Variants in TBC1D1 observed in about 807,000 individuals in gnomAD.
TBC1D1 encodes the protein TBC1 domain family member 1.
Under a neutral mutation model 125.6 loss-of-function variants are expected in TBC1D1, and 89 were observed. The observed-to-expected ratio is 0.71, with a 90% CI of 0.60 to 0.85. TBC1D1 has a LOEUF of 0.85. Ranked by LOEUF, TBC1D1 falls within the 40% of genes least tolerant of loss-of-function variation. TBC1D1 has a pLI of 0.00. For synonymous variants in TBC1D1, 565 were observed against 564.1 expected, an observed-to-expected ratio of 1.00 and a Z score of -0.02; for missense variants, 1,377 against 1,469.2, an observed-to-expected ratio of 0.94 and a Z score of 1.03.
At chr4:38,087,864 A>ATT (rs1757786390) in intron 12 of TBC1D1, among the ~76,000 whole-genome samples, 2 of 52,494 alleles carry the variant, frequency 3.8e-5, no homozygotes, top group Non-Finnish European at 7.4e-5. Flanking sequence ...AAAAAAAAAG[A>ATT]AAAAAAAAAA....
At chr4:37,952,391 A>G (rs1358628068) in intron 2 of TBC1D1, 1 of 347,400 alleles carries the variant, frequency 2.9e-6, no homozygotes, top group South Asian at 2.9e-5. Flanking sequence ...GTGTCCATCA[A>G]TGGTAGACTG....
intron 2 of TBC1D1, among the ~76,000 whole-genome samples, chr4:37,955,514 T>A (rs1728755360): frequency 6.6e-6 from 1 of 152,226 alleles, no homozygotes; most frequent in Non-Finnish European, 1.5e-5. Context: ...AAATGCTACA[T>A]ACATAGTGTT....
chr4:38,116,982 T>G (rs891958024), intron 16 of TBC1D1, among the ~76,000 whole-genome samples: 1 of 152,190 alleles, frequency 6.6e-6, no homozygotes, highest in Non-Finnish European at 1.5e-5. Flanking sequence ...ACTGAAAGAT[T>G]TTGACCACAT....
chr4:38,069,575 T>C (rs1423439972), intron 12 of TBC1D1, among the ~76,000 whole-genome samples: 2 of 152,234 alleles, frequency 1.3e-5, no homozygotes, highest in East Asian at 1.9e-4. Flanking sequence ...AATTTTTTTT[T>C]CCTCTCGGTC....
intron 2 of TBC1D1, among the ~76,000 whole-genome samples, chr4:37,962,804 A>G (rs1730304847): frequency 6.6e-6 from 1 of 152,358 alleles, no homozygotes; most frequent in East Asian, 1.9e-4. Context: ...CTAAACTGAA[A>G]TAAGTCAAGG....
intron 12 of TBC1D1, among the ~76,000 whole-genome samples, chr4:38,086,769 G>C (rs1306018433): frequency 1.3e-5 from 2 of 152,202 alleles, no homozygotes; most frequent in East Asian, 3.8e-4. Context: ...CTGCTATTCA[G>C]AGTGTGCTTG....
At chr4:38,055,527 T>C (rs891103847) in intron 12 of TBC1D1, among the ~76,000 whole-genome samples, 3 of 152,216 alleles carry the variant, frequency 2.0e-5, no homozygotes, top group Non-Finnish European at 4.4e-5. Context: ...TCACCTCCCA[T>C]GCTGTGGAAG....
At chr4:38,104,616 G>A (rs1360378997) in intron 15 of TBC1D1, among the ~76,000 whole-genome samples, 2 of 152,172 alleles carry the variant, frequency 1.3e-5, no homozygotes, top group Non-Finnish European at 2.9e-5. Flanking sequence ...GGGGCCCTGC[G>A]GTGGCCCGGT....
intron 2 of TBC1D1, among the ~76,000 whole-genome samples, chr4:37,957,543 TA>T (rs1338785650): frequency 6.6e-6 from 1 of 152,090 alleles, no homozygotes; most frequent in Non-Finnish European, 1.5e-5. Context: ...TGCCTGAGCC[TA>T]AGAGTTCGAG....
At chr4:38,016,830 A>G (rs1260537083) in intron 3 of TBC1D1, among the ~76,000 whole-genome samples, 1 of 152,196 alleles carries the variant, frequency 6.6e-6, no homozygotes, top group East Asian at 1.9e-4. Context: ...TTTGTTTTTT[A>G]TCCTGAAAGG....
intron 7 of TBC1D1, 50 bp downstream of exon 7, chr4:38,027,929 AC>A (rs1484165467): frequency 8.7e-6 from 12 of 1,381,432 alleles, no homozygotes; most frequent in Non-Finnish European, 1.1e-5. Flanking sequence ...CAGGCAGCTT[AC>A]CTGGGAAATG....
rs1425154511 is a variant in TBC1D1, at chr4:38,061,568, T to TA, written c.2050+7238dup. Among the ~76,000 whole-genome samples the TA allele has an allele frequency of 3.9e-5, 6 of 152,004 alleles. 1 individual carries two copies. The South Asian group carries it at 8.3e-4, about 21-fold the overall frequency. ...AAGCTTTCAGACTTTATATGTCTTG[T>TA]AAAAAAAAGCCTAATATAGATAAGA... On this transcript the variant is annotated intron_variant, in intron 12 of 19. Transcript: ENST00000261439.
chr4:38,124,325 G>A (rs756150772), intron 17 of TBC1D1, among the ~76,000 whole-genome samples: 5 of 152,284 alleles, frequency 3.3e-5, no homozygotes, highest in South Asian at 4.2e-4. Context: ...TCTGCAGTCT[G>A]TATAGAAGTT....
chr4:37,909,081 A>G (rs1290437876), intron 2 of TBC1D1, among the ~76,000 whole-genome samples: 1 of 152,126 alleles, frequency 6.6e-6, no homozygotes, highest in African/African-American at 2.4e-5. Flanking sequence ...TTGATTTTAA[A>G]CCAATAAATG....
chr4:38,052,206 T>C (rs576608103), intron 11 of TBC1D1, 146 bp downstream of exon 12: 460 of 555,282 alleles, frequency 8.3e-4, no homozygotes, highest in Middle Eastern at 2.1e-3. Context: ...CGCGCGCGTG[T>C]GTGTCTTTGT....
chr4:38,135,700 G>C (rs1269571020), intron 19 of TBC1D1, among the ~76,000 whole-genome samples: 1 of 152,156 alleles, frequency 6.6e-6, no homozygotes, highest in Admixed American at 6.5e-5. Context: ...TTGCCCAGTA[G>C]GCTGACAAAC....
chr4:37,996,475 A>AGTG (rs1325734177), intron 2 of TBC1D1, among the ~76,000 whole-genome samples: 3 of 152,196 alleles, frequency 2.0e-5, no homozygotes, highest in African/African-American at 7.2e-5. Flanking sequence ...AAAGAAAGGG[A>AGTG]GTGGTTACTT....
chr4:38,006,635 C>T (rs112231096), intron 2 of TBC1D1: 27,971 of 224,688 alleles, frequency 0.12, 1,914 homozygotes, highest in African/African-American at 0.17. Context: ...TGTGCCACCA[C>T]GCCCGGCTAA....
intron 2 of TBC1D1, among the ~76,000 whole-genome samples, chr4:37,924,266 T>C (rs1162306275): frequency 1.3e-5 from 2 of 152,194 alleles, no homozygotes; most frequent in African/African-American, 4.8e-5. Context: ...TATGAGTCAG[T>C]TCAAGTTTAT....
Sources: allele counts gnomAD v4.1 joint callset (sites outside exome capture counted in the v4.1 genomes callset), GRCh38; gene constraint gnomAD v4.1.1; transcripts MANE v1.5; gene names NCBI Gene and HGNC (gene_info 2026-07-23, HGNC 2026-07-21).